The following FOCAD variants were observed in gnomAD, a reference collection of about 807,000 sequenced individuals.
FOCAD encodes focadhesin.
FOCAD carries 198 observed loss-of-function variants against 225.6 expected under a neutral mutation model. That is an observed-to-expected ratio of 0.88 (90% CI 0.78 to 0.99). The LOEUF (loss-of-function observed/expected upper bound fraction) is 0.99. Among genes scored for constraint, FOCAD ranks in the 50% least tolerant of loss-of-function variants. FOCAD has a pLI of 0.00. For synonymous variants in FOCAD, 897 were observed against 755.0 expected, an observed-to-expected ratio of 1.19 and a Z score of -3.08; for missense variants, 2,713 against 2,123.6, an observed-to-expected ratio of 1.28 and a Z score of -5.46.
intron 21 of FOCAD, among the ~76,000 whole-genome samples, chr9:20,903,371 T>TA (rs1369787366): frequency 6.6e-6 from 1 of 152,020 alleles, no homozygotes; most frequent in Non-Finnish European, 1.5e-5. Flanking sequence ...GAGCTGCCTT[T>TA]ATCTCTTTCC....
chr9:20,781,594 C>T (rs768021933), intron 9 of FOCAD, 133 bp from the exon 10 acceptor site: 95 of 646,284 alleles, frequency 1.5e-4, no homozygotes, highest in Non-Finnish European at 2.1e-4. Context: ...TAAGATTTAT[C>T]AACCTAGTTA....
chr9:20,929,201 T>C lies in FOCAD; in HGVS notation c.3079-157T>C, dbSNP rs1287077904. On this transcript the variant is annotated intron_variant, in intron 26 of 43. Transcript: ENST00000338382. ...TCATTAATAATGAAAACATAATCTA[T>C]AGACAAAAACGTTTGGATTTTTAAA... 6.8e-6 allele frequency: 4 copies of C among 588,142 alleles called. No homozygotes were observed. The East Asian group carries it at 8.2e-5, about 12-fold the overall frequency. The allele number at this position is 588,142 out of a possible 1,614,324, so 36.4% of individuals were successfully genotyped here.
intron 15 of FOCAD, 70 bp downstream of exon 15, chr9:20,823,185 T>C (rs892396853): frequency 6.8e-7 from 1 of 1,479,512 alleles, no homozygotes; most frequent in Non-Finnish European, 9.1e-7. Flanking sequence ...GGTACAAGAA[T>C]GTAAGATTAG....
intron 15 of FOCAD, among the ~76,000 whole-genome samples, chr9:20,828,156 A>G (rs1482469730): frequency 2.1e-5 from 3 of 142,164 alleles, no homozygotes; most frequent in African/African-American, 7.9e-5. Context: ...CTGTCTCAAG[A>G]AAAAAAAAAA....
Position 20,933,092 on chromosome 9 carries a change from T to A in FOCAD, c.3396T>A (p.Ser1132Arg), listed in dbSNP as rs1835640670. The change falls in exon 28 of 44, where the codon AGT becomes AGA. Residue 1132 changes from serine (S) to arginine (R), a missense_variant. By Grantham distance (110) the Ser-to-Arg change is moderately radical (BLOSUM62 -1). Transcript: ENST00000338382. The stretch of plus-strand genomic sequence containing the variant: ...TGGAAAATTGCTGCTTTGACACTAG[T>A]CTTGAATACAAGTATGTTGTTCCTA... ...DALENCCFDT[S>R]LEYNTGCILG... 6.2e-7 allele frequency: 1 copy of A among 1,613,044 alleles called. No individual in the cohort carries two copies. The highest frequency in any genetic ancestry group is 1.3e-5 in the African/African-American group (1 of 75,030).
At chr9:20,796,939 A>T (rs1046503719) in intron 11 of FOCAD, among the ~76,000 whole-genome samples, 3 of 151,988 alleles carry the variant, frequency 2.0e-5, no homozygotes, top group Non-Finnish European at 2.9e-5. Context: ...TAGGGTTTTT[A>T]TGGTTTTAGG....
intron 11 of FOCAD, among the ~76,000 whole-genome samples, chr9:20,814,188 A>G (rs1460394564): frequency 6.6e-6 from 1 of 152,128 alleles, no homozygotes; most frequent in Non-Finnish European, 1.5e-5. Flanking sequence ...TTACATTGAA[A>G]GTACTTAGTG....
intron 35 of FOCAD, among the ~76,000 whole-genome samples, chr9:20,961,341 A>G (rs1838709229): frequency 6.6e-6 from 1 of 152,156 alleles, no homozygotes; most frequent in South Asian, 2.1e-4. Context: ...AAGAACCTCT[A>G]CAAGTTGGCT....
chr9:20,781,804 A>C lies in FOCAD; in HGVS notation c.1072A>C (p.Ile358Leu), dbSNP rs772158225. ...GCTGCTAGTGATGCCAATTCTGCAG[A>C]TACTATCTTCTACTGCCTTGGAAGA... Reference protein sequence around the residue: ...SLLLVMPILQILSSTALEDCI... With the variant: ...SLLLVMPILQLLSSTALEDCI... The change falls in exon 10 of 44, where the codon ATA (isoleucine) becomes CTA (leucine). Residue 358 changes from isoleucine (I) to leucine (L), a missense_variant. By Grantham distance (5) the Ile-to-Leu change is conservative. Transcript: ENST00000338382. The C allele has an allele frequency of 1.2e-6, 2 of 1,614,154 alleles. No individual in the cohort carries two copies. The highest frequency in any genetic ancestry group is 1.7e-6 in the Non-Finnish European group (2 of 1,179,986).
intron 28 of FOCAD, among the ~76,000 whole-genome samples, chr9:20,938,262 T>C (rs1165970163): frequency 6.6e-6 from 1 of 152,276 alleles, no homozygotes; most frequent in East Asian, 1.9e-4. Context: ...ATCATGCTGC[T>C]ATAAAGACAC....
intron 43 of FOCAD, 103 bp downstream of exon 43, chr9:20,993,431 C>G (rs1319325800): frequency 2.1e-6 from 2 of 956,086 alleles, no homozygotes; most frequent in Non-Finnish European, 3.2e-6. Context: ...ATCTCTTACC[C>G]GAAATGCTTG....
At chr9:20,801,162 G>A (rs964346307) in intron 11 of FOCAD, among the ~76,000 whole-genome samples, 3 of 152,096 alleles carry the variant, frequency 2.0e-5, no homozygotes, top group African/African-American at 7.2e-5. Context: ...GCAGAACAGC[G>A]AATATTGGTG....
chr9:20,922,460 A>G (rs1445261658), intron 24 of FOCAD, among the ~76,000 whole-genome samples: 2 of 152,186 alleles, frequency 1.3e-5, no homozygotes, highest in East Asian at 3.8e-4. Flanking sequence ...GGATTTGTTA[A>G]TGGCAAGTCC....
intron 21 of FOCAD, among the ~76,000 whole-genome samples, chr9:20,889,854 A>G (rs1441132190): frequency 1.3e-5 from 2 of 152,186 alleles, no homozygotes; most frequent in Non-Finnish European, 2.9e-5. Context: ...GTAATAGAGT[A>G]TCTAGACCCA....
chr9:20,771,418 G>A (rs973368319), intron 8 of FOCAD, among the ~76,000 whole-genome samples: 1 of 152,172 alleles, frequency 6.6e-6, no homozygotes, highest in Non-Finnish European at 1.5e-5. Context: ...GAAGTGAGGA[G>A]GATGTCTTAG....
intron 2 of FOCAD, among the ~76,000 whole-genome samples, chr9:20,678,547 A>G (rs998132939): frequency 6.6e-6 from 1 of 152,204 alleles, no homozygotes; most frequent in African/African-American, 2.4e-5. Flanking sequence ...TAGGTGACCA[A>G]GGTAAGTGTG....
At chr9:20,989,988 G>C in intron 41 of FOCAD, 135 bp from the exon 42 acceptor site, 1 of 887,622 alleles carries the variant, frequency 1.1e-6, no homozygotes, top group East Asian at 2.5e-5. Context: ...TCTTCTGGGT[G>C]GGGGTAGGGC....
intron 37 of FOCAD, among the ~76,000 whole-genome samples, chr9:20,979,395 G>A (rs1052624760): frequency 6.6e-6 from 1 of 152,282 alleles, no homozygotes; most frequent in African/African-American, 2.4e-5. Context: ...CTGGAGTGCA[G>A]TGGCAGAATC....
chr9:20,790,014 C>G (rs1031299958), intron 11 of FOCAD, among the ~76,000 whole-genome samples: 1 of 152,122 alleles, frequency 6.6e-6, no homozygotes, highest in Non-Finnish European at 1.5e-5. Context: ...ATACAATAGA[C>G]ATTAATATCT....
Sources: allele counts gnomAD v4.1 joint callset (sites outside exome capture counted in the v4.1 genomes callset), GRCh38; gene constraint gnomAD v4.1.1; transcripts MANE v1.5; gene names NCBI Gene and HGNC (gene_info 2026-07-23, HGNC 2026-07-21).